The following CPNE4 variants were observed in gnomAD, a reference collection of about 807,000 sequenced individuals.
CPNE4 encodes copine 4.
In CPNE4, 25 loss-of-function variants were observed where a neutral mutation model predicts 67.9. The ratio of observed to expected loss-of-function variants is 0.37; its 90% confidence interval spans 0.27 to 0.51. The LOEUF is 0.51. CPNE4 is among the 20% of genes least tolerant of loss of function. The pLI is 0.93. For synonymous variants in CPNE4, 242 were observed against 244.9 expected (o/e 0.99, Z 0.11); for missense variants, 464 against 690.8 (o/e 0.67, Z 3.68).
intron 2 of CPNE4, among the ~76,000 whole-genome samples, chr3:131,792,332 T>C (rs2083748038): frequency 6.6e-6 from 1 of 152,016 alleles, no homozygotes; most frequent in African/African-American, 2.4e-5. Context: ...AAGAGTGTTC[T>C]GCACAGAGTA....
rs575989617 is a variant in CPNE4, at chr3:131,602,859, G to A, written c.682-15277C>T. Among the ~76,000 whole-genome samples, 8 of 152,256 alleles carry A rather than the reference G, an allele frequency of 5.3e-5. No homozygotes were observed. The South Asian group carries it at 8.3e-4, about 16-fold the overall frequency. On this transcript the variant is annotated intron_variant, in intron 7 of 15. Coordinates refer to ENST00000429747, the MANE Select transcript of CPNE4 (RefSeq NM_130808.3). ...TTATTTGGGGACTGATGGGTGGTTG[G>A]ATTCAGGAAACTTTATTATGTGAAT...
chr3:131,906,316 A>T (rs1199035219), intron 1 of CPNE4, among the ~76,000 whole-genome samples: 4 of 151,538 alleles, frequency 2.6e-5, no homozygotes, highest in African/African-American at 9.7e-5. Flanking sequence ...GGTTAGTTAC[A>T]TATGTATACA....
chr3:131,889,217 T>C (rs955326842), intron 2 of CPNE4, among the ~76,000 whole-genome samples: 2 of 152,172 alleles, frequency 1.3e-5, no homozygotes, highest in Admixed American at 6.5e-5. Flanking sequence ...AATGCAGGCA[T>C]AGGGAAGTTG....
chr3:131,535,389 T>G (rs1935080196), intron 15 of CPNE4, 60 bp from the exon 16 acceptor site: 1 of 1,538,140 alleles, frequency 6.5e-7, no homozygotes, highest in African/African-American at 1.4e-5. Flanking sequence ...AGACTCATCC[T>G]AAAAGATTTG....
chr3:131,624,114 T>C (rs142040189), intron 7 of CPNE4, among the ~76,000 whole-genome samples: 1 of 152,316 alleles, frequency 6.6e-6, no homozygotes, highest in East Asian at 1.9e-4. Flanking sequence ...GAGTTTTGTC[T>C]GCGAATTTGG....
At chr3:131,877,152 A>G (rs896394206) in intron 2 of CPNE4, among the ~76,000 whole-genome samples, 2 of 152,192 alleles carry the variant, frequency 1.3e-5, no homozygotes, top group South Asian at 2.1e-4. Context: ...CCATTGAGAT[A>G]TAAGCAGAAA....
chr3:131,566,158 T>C (rs1450999263), intron 10 of CPNE4, among the ~76,000 whole-genome samples: 3 of 151,806 alleles, frequency 2.0e-5, no homozygotes, highest in African/African-American at 4.8e-5. Context: ...ATTATTCCAA[T>C]ATAAAATGCA....
chr3:131,653,718 C>T (rs1308125379), intron 7 of CPNE4, among the ~76,000 whole-genome samples: 1 of 152,208 alleles, frequency 6.6e-6, no homozygotes, highest in Non-Finnish European at 1.5e-5. Context: ...CAGCATTCAG[C>T]CTATTAATCA....
intron 7 of CPNE4, among the ~76,000 whole-genome samples, chr3:131,617,673 G>C (rs1177051089): frequency 6.6e-6 from 1 of 152,080 alleles, no homozygotes; most frequent in Non-Finnish European, 1.5e-5. Flanking sequence ...AGTCTTTTTT[G>C]TATCTTCAGT....
At chr3:131,687,394 A>T (rs1409721037) in intron 5 of CPNE4, among the ~76,000 whole-genome samples, 3 of 152,214 alleles carry the variant, frequency 2.0e-5, no homozygotes, top group Non-Finnish European at 4.4e-5. Flanking sequence ...ATGAATGAAT[A>T]AATACATAAA....
At chr3:131,908,196 T>A (rs2088842438) in intron 1 of CPNE4, among the ~76,000 whole-genome samples, 1 of 152,144 alleles carries the variant, frequency 6.6e-6, no homozygotes, top group Admixed American at 6.6e-5. Context: ...TCCCTTCTAC[T>A]TGTAAATAAA....
At chr3:131,904,832 G>C (rs9874767) in intron 2 of CPNE4, among the ~76,000 whole-genome samples, 31,018 of 151,856 alleles carry the variant, frequency 0.2, 3,863 homozygotes, top group Non-Finnish European at 0.27. Flanking sequence ...TTTCCTCAAA[G>C]CTACCATTCC....
intron 11 of CPNE4, among the ~76,000 whole-genome samples, chr3:131,558,512 C>A (rs1023654818): frequency 4.0e-5 from 6 of 151,702 alleles, no homozygotes; most frequent in Non-Finnish European, 5.9e-5. Context: ...TTTCTTATAA[C>A]CAGAATAAAA....
chr3:131,560,219 A>G (rs974499163), intron 11 of CPNE4, among the ~76,000 whole-genome samples: 3 of 151,998 alleles, frequency 2.0e-5, no homozygotes, highest in Non-Finnish European at 4.4e-5. Flanking sequence ...TCTGCAAGGG[A>G]AGCGATACAT....
At chr3:131,546,868 C>A (rs1269291195) in intron 14 of CPNE4, among the ~76,000 whole-genome samples, 5 of 152,108 alleles carry the variant, frequency 3.3e-5, no homozygotes, top group Non-Finnish European at 7.4e-5. Context: ...AGAGAATGGA[C>A]AAGTTTCTGA....
At position 131,949,570 on chromosome 3, in the gene CPNE4, CCT is replaced by C. The variant is rs2071659328; in HGVS notation, c.-1-44128_-1-44127del. ...TCATTTAGTAAACATTTATTCACCA[CCT>C]ACTATTTGCTAGATTCTGAGTCAAG... On this transcript the variant is annotated intron_variant, in intron 1 of 15. Coordinates refer to ENST00000429747, the MANE Select transcript of CPNE4 (RefSeq NM_130808.3). 3.3e-5 allele frequency among the ~76,000 whole-genome samples: 5 copies of C among 152,112 alleles called. No individual in the cohort carries two copies. In the South Asian group the frequency reaches 1.0e-3, roughly 32 times the overall value.
intron 2 of CPNE4, among the ~76,000 whole-genome samples, chr3:131,743,352 G>A (rs1245806139): frequency 6.6e-6 from 1 of 152,158 alleles, no homozygotes; most frequent in East Asian, 1.9e-4. Flanking sequence ...TTACAAAATA[G>A]ATAATTATAA....
intron 2 of CPNE4, among the ~76,000 whole-genome samples, chr3:131,746,010 C>G (rs373427288): frequency 3.3e-5 from 5 of 151,906 alleles, no homozygotes; most frequent in Admixed American, 2.0e-4. Flanking sequence ...TCTTTTAATC[C>G]ACGAACATGG....
intron 1 of CPNE4, among the ~76,000 whole-genome samples, chr3:131,945,377 C>T (rs2071522487): frequency 6.6e-6 from 1 of 152,164 alleles, no homozygotes. Context: ...TGGTGGACAT[C>T]CTCCAGCTGC....
Sources: allele counts gnomAD v4.1 joint callset (sites outside exome capture counted in the v4.1 genomes callset), GRCh38; gene constraint gnomAD v4.1.1; transcripts MANE v1.5; gene names NCBI Gene and HGNC (gene_info 2026-07-23, HGNC 2026-07-21).